Variants in TOP2B observed in about 807,000 individuals in gnomAD.
The protein encoded by TOP2B is DNA topoisomerase II beta.
A neutral mutation model predicts 193.5 loss-of-function variants in TOP2B; 51 were observed. The ratio of observed to expected loss-of-function variants is 0.26; its 90% CI spans 0.21 to 0.33. The LOEUF (loss-of-function observed/expected upper bound fraction) is 0.33, where lower values mean the gene tolerates loss of function less well. Ranked by LOEUF, TOP2B falls within the 10% of genes least tolerant of loss-of-function variation. The pLI, the probability that TOP2B is intolerant of heterozygous loss-of-function variation, is 1.00. For synonymous variants in TOP2B, 634 were observed against 635.7 expected (o/e 1.00, Z 0.04); for missense variants, 1,378 against 1,909.3 (o/e 0.72, Z 5.19).
Position 25,602,724 on chromosome 3 carries a change from C to G in TOP2B, c.4490-1499G>C, listed in dbSNP as rs146340818. 2.4e-3 allele frequency among the ~76,000 whole-genome samples: 368 copies of G among 152,264 alleles called. 4 individuals are homozygous for G. Among genetic ancestry groups the G allele is most frequent in the African/African-American group, 8.5e-3 (352 of 41,552 alleles). ...TAAACTTAGCCAGGTGTTCTAGGAA[C>G]CACTTTTTTTCCTTGGCTTGGAGTT... On this transcript the variant is annotated intron_variant, in intron 33 of 35. Coordinates refer to ENST00000264331, the MANE Select transcript of TOP2B (RefSeq NM_001330700.2).
At chr3:25,662,344 C>T (rs1181822424) in intron 1 of TOP2B, among the ~76,000 whole-genome samples, 1 of 152,114 alleles carries the variant, frequency 6.6e-6, no homozygotes, top group Non-Finnish European at 1.5e-5. Flanking sequence ...TCTATATGAT[C>T]AATGATGTAT....
chr3:25,619,684 A>G (rs1433822647), intron 23 of TOP2B, among the ~76,000 whole-genome samples, 178 bp downstream of exon 23: 1 of 151,800 alleles, frequency 6.6e-6, no homozygotes, highest in Non-Finnish European at 1.5e-5. Flanking sequence ...GGTAGTGGAC[A>G]ATACTAGAAG....
chr3:25,611,569 C>T lies in TOP2B; in HGVS notation c.3786+946G>A, dbSNP rs534525869. ...TTGTAAAAATCAACCTGTCCAAAAA[C>T]ATTAGCCTCTCTAAGACCAACATGC... On this transcript the variant is annotated intron_variant, in intron 28 of 35. Coordinates refer to ENST00000264331, the MANE Select transcript of TOP2B (RefSeq NM_001330700.2). Among the ~76,000 whole-genome samples, 3 of 152,288 alleles carry T rather than the reference C, an allele frequency of 2.0e-5. No homozygotes were observed. The South Asian group carries it at 6.2e-4, about 32-fold the overall frequency.
At position 25,601,083 on chromosome 3, in the gene TOP2B, A is replaced by C. The variant is rs746144894; in HGVS notation, c.4615+17T>G. The stretch of plus-strand genomic sequence containing the variant: ...ACACAGCATATGTTTAAAGGGTTAT[A>C]AGAAGATAATCCTCACCTTTTGGTG... On this transcript the variant is annotated intron_variant, in intron 34 of 35. Coordinates refer to ENST00000264331, the MANE Select transcript of TOP2B (RefSeq NM_001330700.2). 6 of 1,611,608 alleles carry C rather than the reference A, an allele frequency of 3.7e-6. No homozygotes were observed. The African/African-American group carries it at 8.0e-5, about 22-fold the overall frequency.
intron 28 of TOP2B, among the ~76,000 whole-genome samples, chr3:25,610,630 C>CA (rs1702346685): frequency 6.6e-6 from 1 of 152,194 alleles, no homozygotes; most frequent in African/African-American, 2.4e-5. Context: ...AAGAAACACA[C>CA]AGAGGCATAC....
intron 15 of TOP2B, among the ~76,000 whole-genome samples, chr3:25,628,256 G>T (rs988688159): frequency 2.0e-5 from 3 of 150,560 alleles, no homozygotes; most frequent in Non-Finnish European, 4.4e-5. Flanking sequence ...TGGGTGGATG[G>T]CTTGAACTCA....
At chr3:25,603,990 T>C (rs890563704) in intron 33 of TOP2B, among the ~76,000 whole-genome samples, 3 of 152,250 alleles carry the variant, frequency 2.0e-5, no homozygotes, top group African/African-American at 7.2e-5. Context: ...GGTCACCCAG[T>C]GTGTTGGCTA....
intron 1 of TOP2B, among the ~76,000 whole-genome samples, chr3:25,655,057 G>A (rs1467363856): frequency 6.6e-6 from 1 of 152,020 alleles, no homozygotes; most frequent in Non-Finnish European, 1.5e-5. Context: ...TAGACAAACA[G>A]GACACCAAAC....
chr3:25,604,680 T>C, intron 33 of TOP2B, 80 bp downstream of exon 33: 1 of 1,183,804 alleles, frequency 8.4e-7, no homozygotes. Flanking sequence ...AAAATGCAAA[T>C]AGTTTCAAAT....
At chr3:25,630,202 T>G in intron 12 of TOP2B, 48 bp from the exon 13 acceptor site, 1 of 1,524,396 alleles carries the variant, frequency 6.6e-7, no homozygotes, top group Non-Finnish European at 8.8e-7. Flanking sequence ...TGTTGAAATA[T>G]ACGAGTCAGA....
At chr3:25,658,927 T>C (rs1575590295) in intron 1 of TOP2B, among the ~76,000 whole-genome samples, 1 of 152,204 alleles carries the variant, frequency 6.6e-6, no homozygotes, top group Non-Finnish European at 1.5e-5. Flanking sequence ...TTTGTTTTTC[T>C]GAGGGAGAAT....
chr3:25,657,164 T>G (rs1003741705), intron 1 of TOP2B, among the ~76,000 whole-genome samples: 1 of 152,224 alleles, frequency 6.6e-6, no homozygotes, highest in South Asian at 2.1e-4. Context: ...GACTTTTATA[T>G]GTTTTTGTAA....
chr3:25,647,639 C>T (rs1423541447), intron 1 of TOP2B, among the ~76,000 whole-genome samples: 1 of 151,416 alleles, frequency 6.6e-6, no homozygotes, highest in Non-Finnish European at 1.5e-5. Flanking sequence ...AGGAGTAAAA[C>T]CTTACCTCAT....
At chr3:25,634,805 A>G (rs1033256295) in intron 7 of TOP2B, among the ~76,000 whole-genome samples, 2 of 151,626 alleles carry the variant, frequency 1.3e-5, no homozygotes, top group African/African-American at 4.8e-5. Context: ...AAACCAAAAA[A>G]AGGCTTATTC....
chr3:25,664,558 G>A lies in TOP2B; in HGVS notation c.-261C>T. The A allele has an allele frequency of 1.8e-6, 2 of 1,090,414 alleles. No individual in the cohort carries two copies. The highest frequency in any genetic ancestry group is 5.6e-5 in the East Asian group (1 of 17,838). The allele number at this position is 1,090,414 out of a possible 1,614,324, so 67.5% of individuals were successfully genotyped here. ...GCGCGGCGGCTGAGGAGAAAGCAGG[G>A]AGCGACCGGCGGCGGCCGAGCGGCG... On this transcript the variant is annotated 5_prime_UTR_variant, in exon 1 of 36. Transcript: ENST00000264331.
chr3:25,636,100 A>T lies in TOP2B; in HGVS notation c.688T>A (p.Phe230Ile). 6.2e-7 allele frequency: 1 copy of T among 1,609,668 alleles called. No individual in the cohort carries two copies. The highest frequency in any genetic ancestry group is 8.5e-7 in the Non-Finnish European group (1 of 1,177,434). Residue 230 changes from phenylalanine (F) to isoleucine (I), a missense_variant, in exon 7 of 36, where the codon TTT (phenylalanine) becomes ATT (isoleucine). By Grantham distance (21) the Phe-to-Ile change is conservative (BLOSUM62 0). Around this residue, in one of 9 missense-constraint regions of TOP2B, gnomAD observed 222 missense variants for 306.6 expected, o/e 0.72. Coordinates refer to ENST00000264331, the MANE Select transcript of TOP2B (RefSeq NM_001330700.2). ...ATGCATGTGTAATCTTCACCATCAAAATGTTTAATTTTGGCTTCAGAAGTC... is the reference window on the plus strand; with the variant it reads ...ATGCATGTGTAATCTTCACCATCAATATGTTTAATTTTGGCTTCAGAAGTC... ...MKTSEAKIKH[F>I]DGEDYTCITF...
chr3:25,644,027 A>G (rs895440067), intron 2 of TOP2B, among the ~76,000 whole-genome samples: 1 of 152,166 alleles, frequency 6.6e-6, no homozygotes, highest in Admixed American at 6.5e-5. Context: ...TAAGACATCA[A>G]TAATTATTAG....
intron 11 of TOP2B, 141 bp downstream of exon 11, chr3:25,630,660 T>G: frequency 1.1e-6 from 1 of 885,726 alleles, no homozygotes; most frequent in South Asian, 2.3e-5. Context: ...TAATATGTTG[T>G]GTATGTGATA....
intron 1 of TOP2B, among the ~76,000 whole-genome samples, chr3:25,652,689 A>T (rs144174183): frequency 6.6e-6 from 1 of 152,320 alleles, no homozygotes; most frequent in East Asian, 1.9e-4. Flanking sequence ...ATTACACCTA[A>T]CATTAACAAT....
Sources: gnomAD v4.1 joint callset for allele counts (sites outside exome capture counted in the v4.1 genomes callset) on GRCh38, gnomAD v4.1.1 for gene constraint, gnomAD v4.1.1 regional missense constraint, MANE v1.5 for transcripts, NCBI Gene and HGNC (gene_info 2026-07-23, HGNC 2026-07-21) for gene names.